Variants in SLC24A2 observed in about 807,000 individuals in gnomAD.
SLC24A2 encodes the protein sodium/potassium/calcium exchanger 2.
A neutral mutation model predicts 62.0 loss-of-function variants in SLC24A2; 36 were observed. That is an observed-to-expected ratio of 0.58 (90% CI 0.44 to 0.77). The LOEUF (loss-of-function observed/expected upper bound fraction) is 0.77. Among genes scored for constraint, SLC24A2 ranks in the 30% least tolerant of loss-of-function variants. The pLI, the probability that SLC24A2 is intolerant of heterozygous loss-of-function variation, is 0.00. For synonymous variants in SLC24A2, 358 were observed against 294.0 expected, an observed-to-expected ratio of 1.22 and a Z score of -2.23; for missense variants, 846 against 817.9, an observed-to-expected ratio of 1.03 and a Z score of -0.42.
At chr9:19,547,397 T>A (rs1170141847) in intron 8 of SLC24A2, among the ~76,000 whole-genome samples, 3 of 152,160 alleles carry the variant, frequency 2.0e-5, no homozygotes, top group South Asian at 2.1e-4. Context: ...GCTCTGTGCC[T>A]CTCCGGATTG....
intron 2 of SLC24A2, among the ~76,000 whole-genome samples, chr9:19,751,879 G>C (rs889430987): frequency 6.6e-6 from 1 of 152,156 alleles, no homozygotes; most frequent in Non-Finnish European, 1.5e-5. Context: ...AAGAAGACTT[G>C]GCTGAATTAG....
At chr9:19,849,851 A>T in the SLC24A2 span, among the ~76,000 whole-genome samples, 31 of 152,320 alleles carry the variant, frequency 2.0e-4, no homozygotes, top group Middle Eastern at 6.8e-3. Context: ...ATTTAAAGTG[A>T]ATGTCTCTGT....
chr9:20,103,998 G>A, the SLC24A2 span, among the ~76,000 whole-genome samples: 1 of 152,160 alleles, frequency 6.6e-6, no homozygotes, highest in Admixed American at 6.5e-5. Flanking sequence ...ACAGAGAAGT[G>A]CTTAAAGGAG....
intron 2 of SLC24A2, among the ~76,000 whole-genome samples, chr9:19,687,396 A>G (rs1819914988): frequency 6.6e-6 from 1 of 152,126 alleles, no homozygotes; most frequent in Non-Finnish European, 1.5e-5. Context: ...TTTATGAGCC[A>G]TTATGAAACT....
At chr9:19,978,863 G>A in the SLC24A2 span, among the ~76,000 whole-genome samples, 1 of 152,074 alleles carries the variant, frequency 6.6e-6, no homozygotes, top group African/African-American at 2.4e-5. Context: ...CAGATAAAGA[G>A]CTCTACTGAA....
chr9:20,094,220 G>C, the SLC24A2 span, among the ~76,000 whole-genome samples: 1,475 of 152,254 alleles, frequency 9.7e-3, 31 homozygotes, highest in African/African-American at 0.034. Context: ...CATCACAGAA[G>C]AATGACTATC....
At chr9:20,078,761 T>G in the SLC24A2 span, among the ~76,000 whole-genome samples, 1 of 152,084 alleles carries the variant, frequency 6.6e-6, no homozygotes, top group African/African-American at 2.4e-5. Context: ...GAATCTTTCC[T>G]CCAAAAGAAT....
At chr9:19,740,102 G>A (rs552087164) in intron 2 of SLC24A2, among the ~76,000 whole-genome samples, 5 of 152,252 alleles carry the variant, frequency 3.3e-5, no homozygotes, top group Admixed American at 2.0e-4. Context: ...CCAAGTGATG[G>A]CAAGGATATA....
chr9:20,009,176 A>G, the SLC24A2 span, among the ~76,000 whole-genome samples: 16 of 152,232 alleles, frequency 1.1e-4, no homozygotes, highest in African/African-American at 3.4e-4. Flanking sequence ...CCTGTGAAAG[A>G]GGCTCACTCC....
intron 7 of SLC24A2, among the ~76,000 whole-genome samples, chr9:19,566,939 A>C (rs1372674877): frequency 6.6e-6 from 1 of 151,058 alleles, no homozygotes; most frequent in Non-Finnish European, 1.5e-5. Flanking sequence ...GACGGGGAAC[A>C]TCACACACCG....
chr9:19,609,491 C>G (rs1013421951), intron 4 of SLC24A2, among the ~76,000 whole-genome samples: 5 of 152,234 alleles, frequency 3.3e-5, no homozygotes, highest in African/African-American at 9.6e-5. Context: ...GTGTTGGACA[C>G]TAGGACTGGG....
chr9:19,892,523 C>A, the SLC24A2 span, among the ~76,000 whole-genome samples: 1 of 152,188 alleles, frequency 6.6e-6, no homozygotes. Flanking sequence ...CCTGATTCAA[C>A]CAACAAATGT....
chr9:20,224,309 G>A, the SLC24A2 span, among the ~76,000 whole-genome samples: 3 of 151,734 alleles, frequency 2.0e-5, no homozygotes, highest in Non-Finnish European at 2.9e-5. Flanking sequence ...ATCTAGTTGC[G>A]AAAAGGAAAT....
the SLC24A2 span, among the ~76,000 whole-genome samples, chr9:20,214,581 C>T: frequency 6.6e-6 from 1 of 151,848 alleles, no homozygotes; most frequent in African/African-American, 2.4e-5. Context: ...TGCCACTGCA[C>T]TCCAGCCTGG....
chr9:19,752,776 G>C (rs1256939299), intron 2 of SLC24A2, among the ~76,000 whole-genome samples: 1 of 152,068 alleles, frequency 6.6e-6, no homozygotes, highest in African/African-American at 2.4e-5. Flanking sequence ...TAGACACTAG[G>C]TACTATTCCC....
At chr9:20,092,734 G>T in the SLC24A2 span, among the ~76,000 whole-genome samples, 3 of 152,154 alleles carry the variant, frequency 2.0e-5, no homozygotes, top group African/African-American at 7.2e-5. Flanking sequence ...TGTGTGTGCA[G>T]GGCAGGGGGA....
At chr9:19,758,378 T>G (rs1822209490) in intron 2 of SLC24A2, among the ~76,000 whole-genome samples, 1 of 152,290 alleles carries the variant, frequency 6.6e-6, no homozygotes, top group Non-Finnish European at 1.5e-5. Flanking sequence ...ACTCTTTGTT[T>G]GTCCACATGA....
chr9:19,755,007 G>T (rs150861705), intron 2 of SLC24A2, among the ~76,000 whole-genome samples: 26 of 152,250 alleles, frequency 1.7e-4, no homozygotes, highest in African/African-American at 6.3e-4. Flanking sequence ...AGCCTAGACT[G>T]ATATACCTCT....
chr9:19,689,306 A>C (rs1349724140), intron 2 of SLC24A2, among the ~76,000 whole-genome samples: 1 of 152,160 alleles, frequency 6.6e-6, no homozygotes, highest in Non-Finnish European at 1.5e-5. Flanking sequence ...CATTTATTCT[A>C]CAATTCTGCT....
Sources: gnomAD v4.1 joint callset for allele counts (sites outside exome capture counted in the v4.1 genomes callset) on GRCh38, gnomAD v4.1.1 for gene constraint, MANE v1.5 for transcripts, NCBI Gene and HGNC (gene_info 2026-07-23, HGNC 2026-07-21) for gene names.